Variants in RIMBP2 observed in about 807,000 individuals in gnomAD.
The protein encoded by RIMBP2 is RIMS binding protein 2.
A neutral mutation model predicts 118.6 loss-of-function variants in RIMBP2; 48 were observed. That is an observed-to-expected ratio of 0.40 (90% confidence interval 0.32 to 0.51). The LOEUF is 0.51. Ranked by LOEUF, RIMBP2 falls within the 20% of genes least tolerant of loss-of-function variation. The pLI, the probability that RIMBP2 is intolerant of heterozygous loss-of-function variation, is 0.41. For missense variants in RIMBP2, 1,551 were observed against 1,768.3 expected, an observed-to-expected ratio of 0.88 and a Z score of 2.20; for synonymous variants, 762 against 742.9, an observed-to-expected ratio of 1.03 and a Z score of -0.42.
rs891328903 is a variant in RIMBP2, at chr12:130,434,442, C to T, written c.2253+292G>A. On this transcript the variant is annotated intron_variant, in intron 14 of 22. Transcript: ENST00000690449. The surrounding 1 kb of genome is among the most constrained non-coding windows in gnomAD (Gnocchi z 5.7). ...CAGGTTCTGCCTGAACTGAGCCTAA[C>T]CCTACCCGGACCTGCAAAACCACCC... 6.6e-6 allele frequency among the ~76,000 whole-genome samples: 1 copy of T among 152,206 alleles called. No individual in the cohort carries two copies. Among genetic ancestry groups the T allele is most frequent in the Non-Finnish European group, 1.5e-5 (1 of 68,036 alleles).
chr12:130,592,716 A>G (rs2059346287), intron 2 of RIMBP2, among the ~76,000 whole-genome samples: 1 of 149,108 alleles, frequency 6.7e-6, no homozygotes, highest in South Asian at 2.1e-4. Context: ...CCCAGCAGGC[A>G]GTTACTGAGG....
chr12:130,597,189 T>C (rs2059612532), intron 2 of RIMBP2, among the ~76,000 whole-genome samples: 1 of 152,216 alleles, frequency 6.6e-6, no homozygotes, highest in Non-Finnish European at 1.5e-5. Context: ...TAAACACAAT[T>C]TGGAAAATTA....
Position 130,421,725 on chromosome 12 carries a change from T to TGTGTGTGTGTGTG in RIMBP2, c.3238+727_3238+728insCACACACACACAC, listed in dbSNP as rs1566004686. ...TGTGTGTGTGTGTGTGTGTGTGTGT[T>TGTGTGTGTGTGTG]TTCATAGAAGCCTGGTTCCTCTGTG... On this transcript the variant is annotated intron_variant, in intron 17 of 22. Coordinates refer to ENST00000690449, the MANE Select transcript of RIMBP2 (RefSeq NM_001393629.1). Among the ~76,000 whole-genome samples the TGTGTGTGTGTGTG allele has an allele frequency of 5.7e-5, 5 of 88,056 alleles. No individual in the cohort carries two copies. The East Asian group carries it at 9.1e-4, about 16-fold the overall frequency. The allele number at this position is 88,056 out of a possible 152,430, so 57.8% of individuals were successfully genotyped here.
At chr12:130,398,938 T>C (rs2074266234) in intron 22 of RIMBP2, 2 of 335,226 alleles carry the variant, frequency 6.0e-6, no homozygotes, top group Non-Finnish European at 1.1e-5. Flanking sequence ...ATTCAGTTGC[T>C]TTACAACTGA....
At chr12:130,603,412 G>A (rs1278644238) in intron 2 of RIMBP2, among the ~76,000 whole-genome samples, 1 of 152,206 alleles carries the variant, frequency 6.6e-6, no homozygotes, top group African/African-American at 2.4e-5. Flanking sequence ...CTGCATCATG[G>A]AAGAGTGGAA....
intron 1 of RIMBP2, among the ~76,000 whole-genome samples, chr12:130,629,385 A>C (rs1417917597): frequency 6.6e-6 from 1 of 152,170 alleles, no homozygotes; most frequent in Non-Finnish European, 1.5e-5. Context: ...GCCTTCCAGG[A>C]CTCTTCGTCT....
rs573855209 is a variant in RIMBP2 at position 130,696,956 on chromosome 12, G to A, written c.-352+19266C>T. ...AAATCATCTCACGTGGCTAAAGGGA[G>A]AGGTGAACGGGGGCTGTAAGGTGGG... On this transcript the variant is annotated intron_variant, in intron 1 of 22. Transcript: ENST00000690449. Among the ~76,000 whole-genome samples, 9 of 152,332 alleles carry A rather than the reference G, an allele frequency of 5.9e-5. No homozygotes were observed. The East Asian group carries it at 1.3e-3, about 23-fold the overall frequency.
intron 6 of RIMBP2, among the ~76,000 whole-genome samples, chr12:130,464,852 G>A (rs547479168): frequency 2.4e-4 from 37 of 152,354 alleles, no homozygotes; most frequent in Non-Finnish European, 1.8e-4. Context: ...CTCTGAACAA[G>A]AGCCAGGCAG....
At chr12:130,556,242 C>T (rs2056345106) in intron 2 of RIMBP2, among the ~76,000 whole-genome samples, 1 of 152,202 alleles carries the variant, frequency 6.6e-6, no homozygotes, top group Admixed American at 6.5e-5. Flanking sequence ...TAGCCGGCTG[C>T]AGGATAAGAA....
At chr12:130,497,161 C>T (rs1236511243) in intron 4 of RIMBP2, among the ~76,000 whole-genome samples, 10 of 152,216 alleles carry the variant, frequency 6.6e-5, no homozygotes, top group Admixed American at 6.5e-4. Context: ...AACGAGGGCC[C>T]TCCCTGATGT....
intron 14 of RIMBP2, among the ~76,000 whole-genome samples, chr12:130,433,146 C>T (rs1343603241): frequency 1.3e-5 from 2 of 152,170 alleles, no homozygotes. Flanking sequence ...GAGGACCGGC[C>T]TTACACACAC....
At position 130,703,849 on chromosome 12, in the gene RIMBP2, C is replaced by T. The variant is rs550811896; in HGVS notation, c.-352+12373G>A. 8.4e-4 allele frequency among the ~76,000 whole-genome samples: 128 copies of T among 152,132 alleles called. No homozygotes were observed. The highest frequency in any genetic ancestry group is 2.7e-3 in the African/African-American group (113 of 41,500). The stretch of plus-strand genomic sequence containing the variant: ...AGAGAGAGAGATCGATCTAGAAGCA[C>T]GGAGGGAACCCTGAGCCTGAGCCTG... On this transcript the variant is annotated intron_variant, in intron 1 of 22. Transcript: ENST00000690449. The surrounding 1 kb of genome is among the most constrained non-coding windows in gnomAD (Gnocchi z 5.7).
At chr12:130,492,767 T>C (rs1409079135) in intron 4 of RIMBP2, among the ~76,000 whole-genome samples, 2 of 152,176 alleles carry the variant, frequency 1.3e-5, no homozygotes, top group African/African-American at 4.8e-5. Flanking sequence ...CCACGTTTAT[T>C]GAATGGCAAC....
At chr12:130,580,019 C>T (rs1566299875) in intron 2 of RIMBP2, among the ~76,000 whole-genome samples, 2 of 57,156 alleles carry the variant, frequency 3.5e-5, no homozygotes, top group African/African-American at 1.2e-4. Flanking sequence ...ACTGTCTCTA[C>T]CAAAAATACA....
Position 130,608,069 on chromosome 12 carries a change from T to C in RIMBP2, c.-217+20253A>G, listed in dbSNP as rs138843653. ...TTTTTTCCTTGATTCACTCAAAGAT[T>C]CAGCGTCCTAGGACAGCGCTTCCAG... On this transcript the variant is annotated intron_variant, in intron 2 of 22. Coordinates refer to ENST00000690449, the MANE Select transcript of RIMBP2 (RefSeq NM_001393629.1). 5.9e-3 allele frequency among the ~76,000 whole-genome samples: 902 copies of C among 152,342 alleles called. 10 individuals are homozygous for C. The highest frequency in any genetic ancestry group is 0.02 in the African/African-American group (852 of 41,574).
At chr12:130,477,903 G>A (rs752581002) in intron 5 of RIMBP2, among the ~76,000 whole-genome samples, 1 of 152,250 alleles carries the variant, frequency 6.6e-6, no homozygotes, top group Non-Finnish European at 1.5e-5. Flanking sequence ...GGCCACAGGG[G>A]TGGCTGCCCT....
intron 5 of RIMBP2, among the ~76,000 whole-genome samples, chr12:130,476,505 A>G (rs1479612625): frequency 6.6e-6 from 1 of 152,088 alleles, no homozygotes; most frequent in Admixed American, 6.5e-5. Context: ...CTCAGGCCCA[A>G]ATTCAACCCC....
At chr12:130,650,167 G>GGGGCTTGGT (rs1274017063) in intron 1 of RIMBP2, among the ~76,000 whole-genome samples, 1 of 152,100 alleles carries the variant, frequency 6.6e-6, no homozygotes, top group Non-Finnish European at 1.5e-5. Context: ...CAGCACCAAG[G>GGGGCTTGGT]GGGCTTGGTG....
At chr12:130,569,194 C>T (rs930115702) in intron 2 of RIMBP2, among the ~76,000 whole-genome samples, 4 of 152,208 alleles carry the variant, frequency 2.6e-5, no homozygotes, top group South Asian at 2.1e-4. Flanking sequence ...CAGCCTCATC[C>T]GGCTCTAAGT....
Sources: allele counts gnomAD v4.1 joint callset (sites outside exome capture counted in the v4.1 genomes callset), GRCh38; gene constraint gnomAD v4.1.1; non-coding constraint Gnocchi (gnomAD v3.1); transcripts MANE v1.5; gene names NCBI Gene and HGNC (gene_info 2026-07-23, HGNC 2026-07-21).